B3GALT1: variants seen among roughly 807,000 people sequenced by gnomAD.
B3GALT1 encodes UDP-Gal:betaGlcNAc beta 1,3-galactosyltransferase, polypeptide 1.
B3GALT1 carries 10 observed loss-of-function variants against 23.2 expected under a neutral mutation model. The observed-to-expected ratio is 0.43, with a 90% CI of 0.27 to 0.73. B3GALT1 has a LOEUF of 0.73. Ranked by LOEUF, B3GALT1 falls within the 30% of genes least tolerant of loss-of-function variation. The pLI is 0.21. For synonymous variants in B3GALT1, 156 were observed against 141.5 expected, an observed-to-expected ratio of 1.10 and a Z score of -0.73; for missense variants, 299 against 405.4, an observed-to-expected ratio of 0.74 and a Z score of 2.25.
intron 3 of B3GALT1, among the ~76,000 whole-genome samples, chr2:167,690,960 T>C (rs1428756379): frequency 1.3e-5 from 2 of 152,100 alleles, no homozygotes; most frequent in African/African-American, 4.8e-5. Context: ...AACATGGAAA[T>C]GAGTCTTAAT....
chr2:167,616,083 AAAAG>A (rs1284897377), intron 2 of B3GALT1, among the ~76,000 whole-genome samples: 4 of 72,834 alleles, frequency 5.5e-5, no homozygotes, highest in Non-Finnish European at 1.5e-4. Flanking sequence ...TTACAAAGAA[AAAAG>A]AAGAAGGGAA....
At chr2:167,293,927 AGAAGTT>A (rs956809496) in intron 1 of B3GALT1, among the ~76,000 whole-genome samples, 1 of 46,290 alleles carries the variant, frequency 2.2e-5, no homozygotes, top group African/African-American at 8.5e-5. Flanking sequence ...AGGAGGAAAG[AGAAGTT>A]GGGGGTGGGG....
At chr2:167,576,165 A>G (rs1274100456) in intron 2 of B3GALT1, among the ~76,000 whole-genome samples, 4 of 151,796 alleles carry the variant, frequency 2.6e-5, no homozygotes, top group African/African-American at 9.7e-5. Context: ...AGGCCTCTTT[A>G]TTTAAACACT....
At chr2:167,425,271 G>A (rs372972669) in intron 1 of B3GALT1, among the ~76,000 whole-genome samples, 2 of 152,236 alleles carry the variant, frequency 1.3e-5, no homozygotes, top group South Asian at 2.1e-4. Context: ...GCCGCTTACC[G>A]CTTTAATGTT....
At chr2:167,851,379 A>T in intron 4 of B3GALT1, among the ~76,000 whole-genome samples, 1 of 152,192 alleles carries the variant, frequency 6.6e-6, no homozygotes. Context: ...AGTCATTTAC[A>T]ATTCCAAAAG....
chr2:167,575,659 C>T (rs1402054816), intron 2 of B3GALT1, among the ~76,000 whole-genome samples: 1 of 151,796 alleles, frequency 6.6e-6, no homozygotes, highest in African/African-American at 2.4e-5. Flanking sequence ...AAATGGCTTT[C>T]TGAAATGCAT....
chr2:167,797,670 C>A (rs1558982243), intron 3 of B3GALT1, among the ~76,000 whole-genome samples: 2 of 151,188 alleles, frequency 1.3e-5, no homozygotes, highest in African/African-American at 2.5e-5. Context: ...AGTCGCCATT[C>A]TGACTGGTAT....
intron 3 of B3GALT1, among the ~76,000 whole-genome samples, chr2:167,748,533 A>G (rs1279231580): frequency 6.6e-6 from 1 of 152,204 alleles, no homozygotes; most frequent in Non-Finnish European, 1.5e-5. Context: ...GAGATCTCAC[A>G]GTCCTGTAGG....
intron 3 of B3GALT1, among the ~76,000 whole-genome samples, chr2:167,668,435 C>T (rs191025609): frequency 0.017 from 2,529 of 152,306 alleles, 66 homozygotes; most frequent in African/African-American, 0.057. Flanking sequence ...GAGGTGGAGC[C>T]TACAGAGGCA....
At chr2:167,362,379 A>AC (rs1198552132) in intron 1 of B3GALT1, among the ~76,000 whole-genome samples, 1 of 152,068 alleles carries the variant, frequency 6.6e-6, no homozygotes, top group East Asian at 1.9e-4. Flanking sequence ...GCCTTTCTAC[A>AC]CATTTACTTC....
chr2:167,583,237 CTTGTCCCTTGG>C (rs1436211427), intron 2 of B3GALT1, among the ~76,000 whole-genome samples: 1 of 152,180 alleles, frequency 6.6e-6, no homozygotes, highest in African/African-American at 2.4e-5. Context: ...TTTGTCCCCC[CTTGTCCCTTGG>C]ATGCCAGGGG....
At chr2:167,624,161 A>G (rs1558928205) in intron 2 of B3GALT1, among the ~76,000 whole-genome samples, 1 of 152,078 alleles carries the variant, frequency 6.6e-6, no homozygotes, top group Admixed American at 6.6e-5. Context: ...CCAAGATGTT[A>G]AAAATGTTAA....
chr2:167,459,040 A>G (rs985831253), intron 1 of B3GALT1, among the ~76,000 whole-genome samples: 2 of 152,132 alleles, frequency 1.3e-5, no homozygotes, highest in Admixed American at 6.6e-5. Flanking sequence ...GACAGAATGT[A>G]GTTGGATTTT....
At chr2:167,443,834 CT>C (rs1698936898) in intron 1 of B3GALT1, among the ~76,000 whole-genome samples, 1 of 152,124 alleles carries the variant, frequency 6.6e-6, no homozygotes, top group Admixed American at 6.5e-5. Flanking sequence ...TTGACTTCCT[CT>C]TTTCCTAATT....
At chr2:167,865,899 C>G (rs974735400) in intron 4 of B3GALT1, among the ~76,000 whole-genome samples, 3 of 152,308 alleles carry the variant, frequency 2.0e-5, no homozygotes, top group Admixed American at 6.5e-5. Flanking sequence ...AGATGGGTAA[C>G]TAGCTACTCA....
intron 3 of B3GALT1, among the ~76,000 whole-genome samples, chr2:167,784,486 A>G (rs1356602591): frequency 6.6e-6 from 1 of 152,222 alleles, no homozygotes; most frequent in Non-Finnish European, 1.5e-5. Context: ...GCTAAATAAA[A>G]TGATCATGCC....
chr2:167,701,423 C>T lies in B3GALT1; in HGVS notation c.-352+54457C>T, dbSNP rs1686880807. On this transcript the variant is annotated intron_variant, in intron 3 of 4. Transcript: ENST00000392690. The stretch of plus-strand genomic sequence containing the variant: ...CCACAGGCACTGAAGCTTAGAGCGG[C>T]CAAAGTCATCAACATTTTTCTTTAA... Among the ~76,000 whole-genome samples, 4 of 152,006 alleles carry T rather than the reference C, an allele frequency of 2.6e-5. No homozygotes were observed. In the South Asian group the frequency reaches 6.2e-4, roughly 24 times the overall value.
intron 1 of B3GALT1, among the ~76,000 whole-genome samples, chr2:167,343,645 C>T (rs1044064233): frequency 1.3e-5 from 2 of 152,020 alleles, no homozygotes; most frequent in African/African-American, 4.8e-5. Flanking sequence ...GAAAGCATGC[C>T]CATTGTCCTC....
At chr2:167,675,644 A>G (rs1686411502) in intron 3 of B3GALT1, among the ~76,000 whole-genome samples, 1 of 151,946 alleles carries the variant, frequency 6.6e-6, no homozygotes, top group South Asian at 2.1e-4. Context: ...ACAGTGAACA[A>G]CTCCTAGCAA....
Sources: gnomAD v4.1 joint callset for allele counts (sites outside exome capture counted in the v4.1 genomes callset) on GRCh38, gnomAD v4.1.1 for gene constraint, MANE v1.5 for transcripts, NCBI Gene and HGNC (gene_info 2026-07-23, HGNC 2026-07-21) for gene names.